GALNT17: variants seen among roughly 807,000 people sequenced by gnomAD.
GALNT17 encodes the protein polypeptide N-acetylgalactosaminyltransferase 17, also known as UDP-GalNAc:polypeptide N-acetylgalactosaminyltransferase-like 3.
In GALNT17, 29 loss-of-function variants were observed where a neutral mutation model predicts 63.7. That is an observed-to-expected ratio of 0.46 (90% CI 0.34 to 0.62). The LOEUF is 0.62. Among genes scored for constraint, GALNT17 ranks in the 20% least tolerant of loss-of-function variants. GALNT17 has a pLI of 0.01. For missense variants in GALNT17, 603 were observed against 799.6 expected, an observed-to-expected ratio of 0.75 and a Z score of 2.97; for synonymous variants, 305 against 318.3, an observed-to-expected ratio of 0.96 and a Z score of 0.45.
At chr7:71,472,334 T>C (rs1787646099) in intron 5 of GALNT17, among the ~76,000 whole-genome samples, 1 of 152,200 alleles carries the variant, frequency 6.6e-6, no homozygotes, top group Admixed American at 6.5e-5. Flanking sequence ...ATAATGGTTA[T>C]TGTGGAAGAT....
In GALNT17 at chr7:71,666,753, T is replaced by A. The variant is rs560765359; in HGVS notation, c.1266+1157T>A. 7.9e-5 allele frequency among the ~76,000 whole-genome samples: 12 copies of A among 152,360 alleles called. No homozygotes were observed. In the East Asian group the frequency reaches 2.3e-3, roughly 29 times the overall value. ...TATGGCTGAATCATCTCTAGATTAC[T>A]TATAGATAATACAATGTAAATGCTG... On this transcript the variant is annotated intron_variant, in intron 7 of 10. Transcript: ENST00000333538.
chr7:71,650,807 T>G (rs1790743182), intron 6 of GALNT17, among the ~76,000 whole-genome samples: 2 of 152,194 alleles, frequency 1.3e-5, no homozygotes, highest in Non-Finnish European at 2.9e-5. Context: ...TGCCAGCTTC[T>G]ACACCAAAGG....
At chr7:71,298,500 C>G (rs185186576) in intron 1 of GALNT17, among the ~76,000 whole-genome samples, 306 of 152,174 alleles carry the variant, frequency 2.0e-3, no homozygotes, top group Admixed American at 4.1e-3. Context: ...GGCATGGACG[C>G]GAGTCTTACA....
intron 9 of GALNT17, among the ~76,000 whole-genome samples, chr7:71,708,808 A>G (rs192249481): frequency 9.9e-4 from 151 of 152,234 alleles, no homozygotes; most frequent in African/African-American, 3.4e-3. Flanking sequence ...GAGAACATAC[A>G]GTGTTTGGTC....
At chr7:71,700,608 CA>C (rs1791617418) in intron 9 of GALNT17, among the ~76,000 whole-genome samples, 1 of 152,082 alleles carries the variant, frequency 6.6e-6, no homozygotes, top group Admixed American at 6.6e-5. Context: ...TTGGGTTCTC[CA>C]AAACACCACA....
chr7:71,155,049 C>A (rs1164923884), intron 1 of GALNT17, among the ~76,000 whole-genome samples: 1 of 151,714 alleles, frequency 6.6e-6, no homozygotes, highest in Non-Finnish European at 1.5e-5. Flanking sequence ...CTAAGAATTT[C>A]AGTTGTCTTT....
At position 71,446,002 on chromosome 7, in the gene GALNT17, G is replaced by A. The variant is rs10277064; in HGVS notation, c.962+24897G>A. Among the ~76,000 whole-genome samples, 503 of 152,312 alleles carry A rather than the reference G, an allele frequency of 3.3e-3. 1 individual carries two copies. The highest frequency in any genetic ancestry group is 0.012 in the African/African-American group (479 of 41,582). ...AATCTTGTAGTCGTTTCTGAGAAAC[G>A]GGAATATTTTCTTGAAGAAGCTTGA... On this transcript the variant is annotated intron_variant, in intron 5 of 10. Coordinates refer to ENST00000333538, the MANE Select transcript of GALNT17 (RefSeq NM_022479.3).
chr7:71,657,480 G>T (rs1212780648), intron 6 of GALNT17, among the ~76,000 whole-genome samples: 1 of 152,114 alleles, frequency 6.6e-6, no homozygotes, highest in Non-Finnish European at 1.5e-5. Context: ...TTTCCTCCCT[G>T]GCTGCCTAGG....
At chr7:71,534,707 C>G (rs1788776379) in intron 5 of GALNT17, among the ~76,000 whole-genome samples, 1 of 152,160 alleles carries the variant, frequency 6.6e-6, no homozygotes, top group Non-Finnish European at 1.5e-5. Context: ...CTGGGTCCCT[C>G]CCACGACACG....
At chr7:71,476,947 C>A (rs796341416) in intron 5 of GALNT17, among the ~76,000 whole-genome samples, 1 of 152,076 alleles carries the variant, frequency 6.6e-6, no homozygotes, top group Non-Finnish European at 1.5e-5. Context: ...AGCCCAGGGA[C>A]CAGAGAGGCA....
At chr7:71,668,777 C>T (rs908240503) in intron 7 of GALNT17, among the ~76,000 whole-genome samples, 4 of 152,072 alleles carry the variant, frequency 2.6e-5, no homozygotes, top group African/African-American at 9.7e-5. Flanking sequence ...ATTTCAGATA[C>T]TTTATTTTCC....
intron 5 of GALNT17, among the ~76,000 whole-genome samples, chr7:71,536,970 G>T (rs1229575283): frequency 6.6e-6 from 1 of 152,114 alleles, no homozygotes; most frequent in Non-Finnish European, 1.5e-5. Flanking sequence ...TGTATGCCCT[G>T]AACATACCAT....
chr7:71,421,392 C>A (rs1218359127), intron 5 of GALNT17, among the ~76,000 whole-genome samples: 2 of 152,200 alleles, frequency 1.3e-5, no homozygotes, highest in African/African-American at 4.8e-5. Context: ...ATAGGAGGAA[C>A]TGCGTTCAGG....
intron 5 of GALNT17, among the ~76,000 whole-genome samples, chr7:71,474,495 A>G (rs960259469): frequency 5.9e-5 from 9 of 152,178 alleles, no homozygotes; most frequent in Non-Finnish European, 1.0e-4. Flanking sequence ...ATGAGTTACT[A>G]TCAGTAAAGT....
chr7:71,462,808 A>G lies in GALNT17; in HGVS notation c.962+41703A>G, dbSNP rs1016476372. 4.6e-5 allele frequency among the ~76,000 whole-genome samples: 7 copies of G among 152,182 alleles called. No individual in the cohort carries two copies. The South Asian group carries it at 1.2e-3, about 27-fold the overall frequency. On this transcript the variant is annotated intron_variant, in intron 5 of 10. Coordinates refer to ENST00000333538, the MANE Select transcript of GALNT17 (RefSeq NM_022479.3). ...CTCAGTGAGCAGAGAGATAACTTTG[A>G]ATAGAATGGGAGGCAGGTTTGCCGC... is the stretch of plus-strand genomic sequence containing the variant.
chr7:71,576,312 A>T (rs1411517937), intron 6 of GALNT17, among the ~76,000 whole-genome samples: 1 of 152,194 alleles, frequency 6.6e-6, no homozygotes, highest in Admixed American at 6.5e-5. Context: ...TCTTGTGTGG[A>T]TGCATTGAAT....
chr7:71,666,093 G>A (rs781470985), intron 7 of GALNT17, among the ~76,000 whole-genome samples: 2 of 152,200 alleles, frequency 1.3e-5, no homozygotes, highest in Non-Finnish European at 1.5e-5. Context: ...GTGTCATGCG[G>A]TAGTTGTATA....
intron 1 of GALNT17, among the ~76,000 whole-genome samples, chr7:71,281,682 T>A (rs1790780563): frequency 6.6e-6 from 1 of 152,218 alleles, no homozygotes; most frequent in Admixed American, 6.5e-5. Flanking sequence ...TGAAGTCTAC[T>A]GCAGTAGCAA....
chr7:71,502,905 C>A (rs1156430120), intron 5 of GALNT17, among the ~76,000 whole-genome samples: 1 of 152,192 alleles, frequency 6.6e-6, no homozygotes, highest in Non-Finnish European at 1.5e-5. Flanking sequence ...TTTGCCCCAT[C>A]AAGTGCTTGA....
Sources: allele counts gnomAD v4.1 joint callset (sites outside exome capture counted in the v4.1 genomes callset), GRCh38; gene constraint gnomAD v4.1.1; transcripts MANE v1.5; gene names NCBI Gene and HGNC (gene_info 2026-07-23, HGNC 2026-07-21).